LRRC19: variants seen among roughly 807,000 people sequenced by gnomAD.
LRRC19 encodes the protein leucine-rich repeat-containing protein 19.
Under a neutral mutation model 33.3 loss-of-function variants are expected in LRRC19, and 33 were observed. The ratio of observed to expected loss-of-function variants is 0.99; its 90% CI spans 0.75 to 1.33. LRRC19 has a LOEUF of 1.33. Ranked by LOEUF, LRRC19 falls within the 40% of genes most tolerant of loss-of-function variation. LRRC19 has a pLI of 0.00. For missense variants in LRRC19, 463 were observed against 417.3 expected, an observed-to-expected ratio of 1.11 and a Z score of -0.95; for synonymous variants, 184 against 152.3, an observed-to-expected ratio of 1.21 and a Z score of -1.53.
rs1271419840 is a variant in LRRC19 at position 26,994,151 on chromosome 9, T to G, written c.*1370A>C. 2.6e-5 allele frequency: 4 copies of G among 152,174 alleles called. No individual in the cohort carries two copies. Among genetic ancestry groups the G allele is most frequent in the Non-Finnish European group, 5.9e-5 (4 of 68,026 alleles). 9.4% of individuals were successfully genotyped at this position (152,174 alleles called of 1,614,324 possible). On this transcript the variant is annotated 3_prime_UTR_variant, in exon 5 of 5. Transcript: ENST00000380055. ...AGTAGATGTAACTGAAAGAATGGGT[T>G]TTGTTGTCAAGTAAGTTTGAGAAAT... is the stretch of plus-strand genomic sequence containing the variant.
Position 26,995,143 on chromosome 9 carries a change from A to T in LRRC19, c.*378T>A, listed in dbSNP as rs1828074155. 6.5e-6 allele frequency: 1 copy of T among 154,750 alleles called. No individual in the cohort carries two copies. The highest frequency in any genetic ancestry group is 1.4e-5 in the Non-Finnish European group (1 of 69,656). The allele number at this position is 154,750 out of a possible 1,614,324, so 9.6% of individuals were successfully genotyped here. ...ATATATTAATAAATCCTAAACTTTT[A>T]TTTCTTTACTGATTGAAACATTAGT... On this transcript the variant is annotated 3_prime_UTR_variant, in exon 5 of 5. Coordinates refer to ENST00000380055, the MANE Select transcript of LRRC19 (RefSeq NM_022901.3).
At position 26,998,042 on chromosome 9, in the gene LRRC19, C is replaced by A; in HGVS notation, c.281G>T (p.Gly94Val). Residue 94 changes from glycine (G) to valine (V), a missense_variant, in exon 3 of 5, where the codon GGT becomes GTT. Coordinates refer to ENST00000380055, the MANE Select transcript of LRRC19 (RefSeq NM_022901.3). The part of the protein sequence containing the change: ...KVTILHNNGF[G>V]NLSSLEILNI... ...TAAAATTTCTAGACTGGAGAGGTTA[C>A]CAAAACCGTTATTATGTAAGATAGT... 1.2e-6 allele frequency: 2 copies of A among 1,613,628 alleles called. No individual in the cohort carries two copies. The highest frequency in any genetic ancestry group is 1.7e-6 in the Non-Finnish European group (2 of 1,179,748).
At chr9:26,998,980 C>T (rs1353049648) in intron 2 of LRRC19, among the ~76,000 whole-genome samples, 18 of 152,132 alleles carry the variant, frequency 1.2e-4, no homozygotes, top group African/African-American at 3.1e-4. Flanking sequence ...GGCGACAGAG[C>T]GAGATTCCGT....
At chr9:27,004,509 TAAGTCCCCAGACA>T (rs2131590596) in intron 1 of LRRC19, among the ~76,000 whole-genome samples, 1 of 152,300 alleles carries the variant, frequency 6.6e-6, no homozygotes, top group South Asian at 2.1e-4. Flanking sequence ...TGACACTGAG[TAAGTCCCCAGACA>T]AAGCATTTGC....
chr9:27,003,201 GT>G (rs1335521669), intron 1 of LRRC19, among the ~76,000 whole-genome samples: 1 of 150,958 alleles, frequency 6.6e-6, no homozygotes, highest in African/African-American at 2.4e-5. Flanking sequence ...AGTATTTAGG[GT>G]TTGTTTTTTT....
At chr9:26,995,888 T>G (rs73643125) in intron 4 of LRRC19, 39 bp from the exon 5 acceptor site, 5 of 1,450,372 alleles carry the variant, frequency 3.4e-6, no homozygotes, top group African/African-American at 1.4e-5. Flanking sequence ...GAAAGAAAAT[T>G]TGTTAAGTTG....
In LRRC19 at chr9:26,995,404, T is replaced by G; in HGVS notation, c.*117A>C. 1.6e-6 allele frequency: 1 copy of G among 633,490 alleles called. No individual in the cohort carries two copies. The highest frequency in any genetic ancestry group is 2.7e-6 in the Non-Finnish European group (1 of 365,048). The allele number at this position is 633,490 out of a possible 1,614,324, so 39.2% of individuals were successfully genotyped here. A position where few individuals can be genotyped will look rare whatever the true frequency, so the allele number is the denominator to read the frequency against. On this transcript the variant is annotated 3_prime_UTR_variant, in exon 5 of 5. Coordinates refer to ENST00000380055, the MANE Select transcript of LRRC19 (RefSeq NM_022901.3). ...AACATAATTTTATGATATTCATGTA[T>G]GTTGTCATTAATATGAATGCCTGCC...
At position 26,995,809 on chromosome 9, in the gene LRRC19, A is replaced by G; in HGVS notation, c.825T>C (p.Gly275=). The G allele has an allele frequency of 6.2e-7, 1 of 1,608,964 alleles. No individual in the cohort carries two copies. The highest frequency in any genetic ancestry group is 1.1e-5 in the South Asian group (1 of 89,974). Reference sequence around the variant, plus strand: ...AAGTCGTCAGTACAGTGACAACAACACCAACAAGAAAAGCCCAACTTTTTC... The same window carrying G: ...AAGTCGTCAGTACAGTGACAACAACGCCAACAAGAAAAGCCCAACTTTTTC... ...PLGKSWAFLV[G]VVVTVLTTSL... Residue 275 remains glycine (G), a synonymous_variant, in exon 5 of 5, where the codon GGT becomes GGC. Coordinates refer to ENST00000380055, the MANE Select transcript of LRRC19 (RefSeq NM_022901.3).
chr9:26,994,111 G>A lies in LRRC19; in HGVS notation c.*1410C>T, dbSNP rs1437111353. 3 of 152,146 alleles carry A rather than the reference G, an allele frequency of 2.0e-5. No individual in the cohort carries two copies. The highest frequency in any genetic ancestry group is 7.2e-5 in the African/African-American group (3 of 41,428). The allele number at this position is 152,146 out of a possible 1,614,324, so 9.4% of individuals were successfully genotyped here. ...AAACTACGTTCTTTGGAATGTTATT[G>A]AACTACGAGCTCTTAGTAGATGTAA... On this transcript the variant is annotated 3_prime_UTR_variant, in exon 5 of 5. Transcript: ENST00000380055.
intron 1 of LRRC19, among the ~76,000 whole-genome samples, chr9:27,004,662 T>C (rs879924970): frequency 2.0e-5 from 3 of 152,220 alleles, no homozygotes; most frequent in Non-Finnish European, 4.4e-5. Flanking sequence ...AAGTCAGTCA[T>C]TGTTGCTTTC....
intron 1 of LRRC19, among the ~76,000 whole-genome samples, chr9:27,005,353 C>CCCA (rs1828715057): frequency 9.8e-5 from 1 of 10,230 alleles, no homozygotes; most frequent in Non-Finnish European, 2.0e-4. Flanking sequence ...GAAACCATTT[C>CCCA]CCCCCCCGCC....
chr9:26,999,446 T>G (rs978930718), intron 2 of LRRC19, among the ~76,000 whole-genome samples, 168 bp downstream of exon 2: 3 of 152,200 alleles, frequency 2.0e-5, no homozygotes, highest in Non-Finnish European at 1.5e-5. Flanking sequence ...TTTTTATAAA[T>G]GAAGGCTGCT....
Position 26,995,752 on chromosome 9 carries a change from T to C in LRRC19, c.882A>G (p.Pro294=). 2 of 1,613,884 alleles carry C rather than the reference T, an allele frequency of 1.2e-6. No individual in the cohort carries two copies. Among genetic ancestry groups the C allele is most frequent in the South Asian group, 2.2e-5 (2 of 91,070 alleles). ...AACTAAGCAGAATATTGTACCATAT[T>C]GGGCATTTGATAGCAATAAAAATGA... ...SLLIFIAIKC[P]IWYNILLSYN... The change falls in exon 5 of 5, where the codon CCA becomes CCG. Residue 294 remains proline (P), a synonymous_variant. Coordinates refer to ENST00000380055, the MANE Select transcript of LRRC19 (RefSeq NM_022901.3).
rs1420769900 is a variant in LRRC19, at chr9:26,996,425, C to T, written c.670G>A (p.Ala224Thr). The change falls in exon 4 of 5, where the codon GCT (alanine) becomes ACT (threonine). Residue 224 changes from alanine (A) to threonine (T), a missense_variant. By Grantham distance (58) the Ala-to-Thr change is moderately conservative (BLOSUM62 0). Coordinates refer to ENST00000380055, the MANE Select transcript of LRRC19 (RefSeq NM_022901.3). Reference protein sequence around the residue: ...SYNIKTVPHKAECHSKFPSSV... With the variant: ...SYNIKTVPHKTECHSKFPSSV... ...GAAGGAAATTTTGAGTGGCATTCAG[C>T]CTTATGAGGTACTGTTTTGATATTG... is the stretch of plus-strand genomic sequence containing the variant. 6.2e-7 allele frequency: 1 copy of T among 1,605,978 alleles called. No individual in the cohort carries two copies. The highest frequency in any genetic ancestry group is 2.2e-5 in the East Asian group (1 of 44,666).
chr9:27,001,450 C>T (rs1828483827), intron 1 of LRRC19, among the ~76,000 whole-genome samples: 1 of 152,162 alleles, frequency 6.6e-6, no homozygotes, highest in African/African-American at 2.4e-5. Context: ...CCCCTTTCTC[C>T]ACATCGTCAC....
Position 26,998,259 on chromosome 9 carries a change from A to G in LRRC19, c.82-18T>C, listed in dbSNP as rs770456338. ...TGGACTTCCTAGAAAAACAAAAAAA[A>G]GAAAGGCATTAATCAGAAAAAAAAT... On this transcript the variant is annotated intron_variant, in intron 2 of 4. Coordinates refer to ENST00000380055, the MANE Select transcript of LRRC19 (RefSeq NM_022901.3). 10 of 1,359,478 alleles carry G rather than the reference A, an allele frequency of 7.4e-6. No individual in the cohort carries two copies. The African/African-American group carries it at 1.3e-4, about 18-fold the overall frequency. The allele number at this position is 1,359,478 out of a possible 1,614,324, so 84.2% of individuals were successfully genotyped here.
chr9:27,000,497 T>C (rs1828423380), intron 1 of LRRC19, among the ~76,000 whole-genome samples: 2 of 152,208 alleles, frequency 1.3e-5, no homozygotes, highest in African/African-American at 4.8e-5. Flanking sequence ...ATGGTAACTT[T>C]TAAAAATTTT....
chr9:27,004,869 T>TA (rs2131591309), intron 1 of LRRC19, among the ~76,000 whole-genome samples: 1 of 152,296 alleles, frequency 6.6e-6, no homozygotes, highest in African/African-American at 2.4e-5. Context: ...AAAAGAGCTT[T>TA]ACTCAAAGGA....
At chr9:27,003,563 C>T (rs937618766) in intron 1 of LRRC19, among the ~76,000 whole-genome samples, 1 of 152,032 alleles carries the variant, frequency 6.6e-6, no homozygotes, top group Admixed American at 6.6e-5. Context: ...GGCAAGAATC[C>T]ATGCAGCATA....
Sources: gnomAD v4.1 joint callset for allele counts (sites outside exome capture counted in the v4.1 genomes callset) on GRCh38, gnomAD v4.1.1 for gene constraint, MANE v1.5 for transcripts, NCBI Gene and HGNC (gene_info 2026-07-23, HGNC 2026-07-21) for gene names.